Variants in SMAD2 observed in about 807,000 individuals in gnomAD.
The protein encoded by SMAD2 is SMAD family member 2.
A neutral mutation model predicts 64.4 loss-of-function variants in SMAD2; 8 were observed. The ratio of observed to expected loss-of-function variants is 0.12; its 90% CI spans 0.07 to 0.22. SMAD2 has a LOEUF of 0.22. Ranked by LOEUF, SMAD2 falls within the 10% of genes least tolerant of loss-of-function variation. SMAD2 has a pLI of 1.00. For synonymous variants in SMAD2, 203 were observed against 195.8 expected (o/e 1.04, Z -0.31); for missense variants, 289 against 561.2 (o/e 0.51, Z 4.90).
chr18:47,930,042 A>T lies in SMAD2; in HGVS notation c.-54+319T>A, dbSNP rs1034007502. ...CGCGTCCCTAACAAGGCTTCCCCAC[A>T]ACTCCTGAAACAAGAGCTCTGGCCC... On this transcript the variant is annotated intron_variant, in intron 1 of 10. Coordinates refer to ENST00000262160, the MANE Select transcript of SMAD2 (RefSeq NM_005901.6). 6.6e-5 allele frequency among the ~76,000 whole-genome samples: 10 copies of T among 152,188 alleles called. No homozygotes were observed. In the East Asian group the frequency reaches 1.7e-3, roughly 26 times the overall value.
chr18:47,905,875 GCCAAAATA>G, intron 1 of SMAD2, among the ~76,000 whole-genome samples: 2 of 152,246 alleles, frequency 1.3e-5, no homozygotes, highest in East Asian at 3.9e-4. Context: ...ACTTTGGGAG[GCCAAAATA>G]GGAGGACTGC....
chr18:47,880,869 G>A (rs538771364), intron 2 of SMAD2, among the ~76,000 whole-genome samples: 11 of 152,232 alleles, frequency 7.2e-5, no homozygotes, highest in Admixed American at 3.9e-4. Context: ...ACTGTCTACC[G>A]TACACATGTG....
intron 1 of SMAD2, among the ~76,000 whole-genome samples, chr18:47,897,744 G>C (rs1381800362): frequency 1.3e-5 from 2 of 152,030 alleles, no homozygotes; most frequent in African/African-American, 4.8e-5. Context: ...ACTGATACTG[G>C]TAAGTCCCAC....
At chr18:47,891,504 T>C (rs2033190764) in intron 2 of SMAD2, among the ~76,000 whole-genome samples, 1 of 139,960 alleles carries the variant, frequency 7.1e-6, no homozygotes, top group African/African-American at 2.7e-5. Flanking sequence ...TGCTACTTTA[T>C]GTTTTTAAGT....
chr18:47,869,476 A>T (rs1441883357), intron 3 of SMAD2, 40 bp from the exon 4 acceptor site: 20 of 471,168 alleles, frequency 4.2e-5, no homozygotes, highest in South Asian at 1.9e-4. Context: ...GGGAACTTTA[A>T]AAAAAAAAAA....
rs1008720263 is a variant in SMAD2, at chr18:47,832,458, C to A, written c.*9369G>T. 1.3e-5 allele frequency: 2 copies of A among 152,198 alleles called. No homozygotes were observed. Among genetic ancestry groups the A allele is most frequent in the African/African-American group, 4.8e-5 (2 of 41,444 alleles). 9.4% of individuals were successfully genotyped at this position (152,198 alleles called of 1,614,324 possible). On this transcript the variant is annotated 3_prime_UTR_variant, in exon 11 of 11. Coordinates refer to ENST00000262160, the MANE Select transcript of SMAD2 (RefSeq NM_005901.6). The stretch of plus-strand genomic sequence containing the variant: ...AAACTACACCAGTCCCAAGGCTATT[C>A]AATGCCACGTAAAATAGTGTATTTT...
At chr18:47,906,690 A>G (rs1282303729) in intron 1 of SMAD2, among the ~76,000 whole-genome samples, 1 of 152,166 alleles carries the variant, frequency 6.6e-6, no homozygotes, top group East Asian at 1.9e-4. Flanking sequence ...GGCAGGACTG[A>G]TTCCTCCTGG....
rs897896430 is a variant in SMAD2 at position 47,875,672 on chromosome 18, T to C, written c.237-5108A>G. On this transcript the variant is annotated intron_variant, in intron 2 of 10. Transcript: ENST00000262160. ...TATCTACTTTAAAATGCAACATTAT[T>C]TGTGTAACACTTGAAAATCCTCTTT... is the stretch of plus-strand genomic sequence containing the variant. 6.6e-5 allele frequency among the ~76,000 whole-genome samples: 10 copies of C among 152,160 alleles called. 1 individual carries two copies. Among genetic ancestry groups the C allele is most frequent in the Admixed American group, 6.5e-4 (10 of 15,280 alleles).
At position 47,819,253 on chromosome 18, in the gene SMAD2, C is replaced by T. The variant is rs1912480030; in HGVS notation, c.*22574G>A. 2 of 152,138 alleles carry T rather than the reference C, an allele frequency of 1.3e-5. No individual in the cohort carries two copies. Among genetic ancestry groups the T allele is most frequent in the South Asian group, 4.1e-4 (2 of 4,836 alleles). The allele number at this position is 152,138 out of a possible 1,614,324, so 9.4% of individuals were successfully genotyped here. A position where few individuals can be genotyped will look rare whatever the true frequency, so the allele number is the denominator to read the frequency against. On this transcript the variant is annotated 3_prime_UTR_variant, in exon 11 of 11. Transcript: ENST00000262160. Reference sequence around the variant, plus strand: ...CAGTTTTATATTTGTCTCTGTTAGACTTTTTAAGGTCATAAAACTATAAAC... The same window carrying T: ...CAGTTTTATATTTGTCTCTGTTAGATTTTTTAAGGTCATAAAACTATAAAC...
intron 1 of SMAD2, among the ~76,000 whole-genome samples, chr18:47,924,345 T>G (rs1221789735): frequency 6.6e-6 from 1 of 152,076 alleles, no homozygotes; most frequent in Non-Finnish European, 1.5e-5. Context: ...CAAAAGAGTT[T>G]CAATAGTTCA....
chr18:47,904,409 C>G lies in SMAD2; in HGVS notation c.-53-7600G>C, dbSNP rs531496559. Among the ~76,000 whole-genome samples, 226 of 151,944 alleles carry G rather than the reference C, an allele frequency of 1.5e-3. 2 individuals are homozygous for G. Among genetic ancestry groups the G allele is most frequent in the South Asian group, 9.4e-3 (45 of 4,780 alleles). On this transcript the variant is annotated intron_variant, in intron 1 of 10. Coordinates refer to ENST00000262160, the MANE Select transcript of SMAD2 (RefSeq NM_005901.6). ...AAAACTTACTTGCCCATCTCCCACA[C>G]ACAAACATGCCTTTCACTCTGTAAC... is the stretch of plus-strand genomic sequence containing the variant.
rs959031880 is a variant in SMAD2 at position 47,864,786 on chromosome 18, TAAAAA to T, written c.730+268_730+272del. 6.6e-5 allele frequency among the ~76,000 whole-genome samples: 10 copies of T among 152,210 alleles called. No individual in the cohort carries two copies. The South Asian group carries it at 8.3e-4, about 13-fold the overall frequency. The stretch of plus-strand genomic sequence containing the variant: ...AAAATTTTCAACAGAAGCAAATACT[TAAAAA>T]GAAATAAAAGTATGTGCATGTTTTC... On this transcript the variant is annotated intron_variant, in intron 6 of 10. Coordinates refer to ENST00000262160, the MANE Select transcript of SMAD2 (RefSeq NM_005901.6).
At chr18:47,847,524 G>GA (rs1203970975) in intron 8 of SMAD2, among the ~76,000 whole-genome samples, 4 of 150,046 alleles carry the variant, frequency 2.7e-5, no homozygotes, top group Non-Finnish European at 4.4e-5. Context: ...GAATATTATG[G>GA]AAAATGACCA....
chr18:47,862,290 C>G (rs1043814638), intron 6 of SMAD2, among the ~76,000 whole-genome samples: 2 of 152,150 alleles, frequency 1.3e-5, no homozygotes, highest in Non-Finnish European at 2.9e-5. Context: ...CTTCCTAGGG[C>G]TTGCTCTAAC....
At position 47,841,430 on chromosome 18, in the gene SMAD2, G is replaced by C; in HGVS notation, c.*397C>G. 1 of 287,384 alleles carries C rather than the reference G, an allele frequency of 3.5e-6. No homozygotes were observed. Among genetic ancestry groups the C allele is most frequent in the East Asian group, 4.8e-5 (1 of 20,988 alleles). The allele number at this position is 287,384 out of a possible 1,614,324, so 17.8% of individuals were successfully genotyped here. On this transcript the variant is annotated 3_prime_UTR_variant, in exon 11 of 11. Coordinates refer to ENST00000262160, the MANE Select transcript of SMAD2 (RefSeq NM_005901.6). ...CTTTATAAAGGTTTGCCTAGATCAA[G>C]AAGCAGCGCACACACACACCTCATC...
At chr18:47,859,776 GAA>G (rs1387998778) in intron 6 of SMAD2, among the ~76,000 whole-genome samples, 9 of 151,830 alleles carry the variant, frequency 5.9e-5, no homozygotes, top group Non-Finnish European at 1.2e-4. Flanking sequence ...AAACAAAACA[GAA>G]AAGAGACAAA....
chr18:47,845,925 TGTCTTTCTGAA>T (rs1914450003), intron 8 of SMAD2, 125 bp from the exon 9 acceptor site: 1 of 824,468 alleles, frequency 1.2e-6, no homozygotes, highest in African/African-American at 1.7e-5. Context: ...TCACAGATAA[TGTCTTTCTGAA>T]GTCTAACTTT....
At chr18:47,902,689 T>C (rs182329903) in intron 1 of SMAD2, among the ~76,000 whole-genome samples, 1 of 152,276 alleles carries the variant, frequency 6.6e-6, no homozygotes, top group East Asian at 1.9e-4. Flanking sequence ...CAACAGAGCA[T>C]CACTTTCATT....
chr18:47,841,079 T>C lies in SMAD2; in HGVS notation c.*748A>G, dbSNP rs559334925. Reference sequence around the variant, plus strand: ...GCTGTTTTGATTATGAGGACAAAAATGGGAATGGAAAAAAGAGGCTTGGAA... The same window carrying C: ...GCTGTTTTGATTATGAGGACAAAAACGGGAATGGAAAAAAGAGGCTTGGAA... On this transcript the variant is annotated 3_prime_UTR_variant, in exon 11 of 11. Transcript: ENST00000262160. 12 of 230,984 alleles carry C rather than the reference T, an allele frequency of 5.2e-5. 1 individual carries two copies. The South Asian group carries it at 2.0e-3, about 39-fold the overall frequency. 14.3% of individuals were successfully genotyped at this position (230,984 alleles called of 1,614,324 possible).
Sources: gnomAD v4.1 joint callset for allele counts (sites outside exome capture counted in the v4.1 genomes callset) on GRCh38, gnomAD v4.1.1 for gene constraint, MANE v1.5 for transcripts, NCBI Gene and HGNC (gene_info 2026-07-23, HGNC 2026-07-21) for gene names.